PLD1: variants seen among roughly 807,000 people sequenced by gnomAD.
PLD1 encodes phospholipase D1.
PLD1 carries 112 observed loss-of-function variants against 137.1 expected under a neutral mutation model. The ratio of observed to expected loss-of-function variants is 0.82; its 90% CI spans 0.70 to 0.96. The LOEUF (loss-of-function observed/expected upper bound fraction) is 0.96, where lower values mean the gene tolerates loss of function less well. Ranked by LOEUF, PLD1 falls within the 40% of genes least tolerant of loss-of-function variation. The probability of loss-of-function intolerance (pLI) is 0.00; values close to 1 mark genes in which losing one functional copy is unlikely to be tolerated. For missense variants in PLD1, 1,321 were observed against 1,342.0 expected (o/e 0.98, Z 0.24); for synonymous variants, 431 against 454.7 (o/e 0.95, Z 0.66).
chr3:171,690,458 A>G (rs546759510), intron 13 of PLD1, among the ~76,000 whole-genome samples: 1 of 150,870 alleles, frequency 6.6e-6, no homozygotes, highest in African/African-American at 2.4e-5. Context: ...TGTTATTTTG[A>G]GATCTTTCTT....
At chr3:171,778,164 G>C (rs955957605) in intron 1 of PLD1, among the ~76,000 whole-genome samples, 6 of 152,188 alleles carry the variant, frequency 3.9e-5, no homozygotes, top group African/African-American at 1.4e-4. Context: ...TATCTTATTT[G>C]ACATTCACAT....
intron 5 of PLD1, among the ~76,000 whole-genome samples, chr3:171,734,520 C>T (rs1365206846): frequency 1.3e-5 from 2 of 152,156 alleles, no homozygotes; most frequent in Admixed American, 6.5e-5. Flanking sequence ...AACACGGAAA[C>T]TTATGTATGG....
chr3:171,768,771 A>G (rs1401243052), intron 1 of PLD1, among the ~76,000 whole-genome samples: 9 of 152,254 alleles, frequency 5.9e-5, no homozygotes, highest in Admixed American at 4.6e-4. Context: ...CTTCTGGGTC[A>G]CAGCGAGGTC....
chr3:171,776,068 A>C lies in PLD1; in HGVS notation c.-32+34331T>G, dbSNP rs553186819. ...AAAACAGTAACCCCTTCATTTGCGTAAACAAAGGGCTTTCACATGTATTAG... is the reference window on the plus strand; with the variant it reads ...AAAACAGTAACCCCTTCATTTGCGTCAACAAAGGGCTTTCACATGTATTAG... On this transcript the variant is annotated intron_variant, in intron 1 of 26. Coordinates refer to ENST00000351298, the MANE Select transcript of PLD1 (RefSeq NM_002662.5). Among the ~76,000 whole-genome samples the C allele has an allele frequency of 2.6e-4, 40 of 152,316 alleles. No individual in the cohort carries two copies. The South Asian group carries it at 8.1e-3, about 31-fold the overall frequency.
chr3:171,677,462 G>A (rs879395674), intron 17 of PLD1, 104 bp downstream of exon 17: 16 of 1,189,216 alleles, frequency 1.3e-5, no homozygotes, highest in East Asian at 5.0e-5. Context: ...AAAAATCAAC[G>A]GAAGCAAAAC....
intron 1 of PLD1, among the ~76,000 whole-genome samples, chr3:171,770,819 G>T (rs13089057): frequency 0.24 from 34,892 of 146,510 alleles, 4,473 homozygotes; most frequent in Middle Eastern, 0.35. Flanking sequence ...AGCCCAAGAG[G>T]TTGAGACTAC....
At chr3:171,667,597 G>A (rs1015986721) in intron 19 of PLD1, among the ~76,000 whole-genome samples, 1 of 152,210 alleles carries the variant, frequency 6.6e-6, no homozygotes, top group Non-Finnish European at 1.5e-5. Context: ...TGGGGCTGTG[G>A]CAACAGAAGG....
chr3:171,636,208 G>C (rs774266022), intron 23 of PLD1, among the ~76,000 whole-genome samples: 2 of 151,768 alleles, frequency 1.3e-5, no homozygotes, highest in Non-Finnish European at 2.9e-5. Context: ...TTGAAATCAC[G>C]TATGTGACAC....
intron 23 of PLD1, among the ~76,000 whole-genome samples, chr3:171,636,923 G>A (rs1735181158): frequency 6.6e-6 from 1 of 152,142 alleles, no homozygotes; most frequent in Non-Finnish European, 1.5e-5. Context: ...ACATGGCTGA[G>A]GAAGTTCCTG....
At chr3:171,711,316 G>A (rs900584183) in intron 9 of PLD1, among the ~76,000 whole-genome samples, 13 of 151,436 alleles carry the variant, frequency 8.6e-5, no homozygotes, top group South Asian at 2.1e-4. Context: ...GACTACAGGC[G>A]CGCACCATCA....
chr3:171,678,704 A>T (rs1165040699), intron 16 of PLD1, among the ~76,000 whole-genome samples: 3 of 152,082 alleles, frequency 2.0e-5, no homozygotes, highest in Admixed American at 1.3e-4. Flanking sequence ...TTTGCTTAAA[A>T]CCCTGGAAGG....
In PLD1 at chr3:171,797,037, C is replaced by T. The variant is rs545852016; in HGVS notation, c.-32+13362G>A. 4.6e-5 allele frequency among the ~76,000 whole-genome samples: 7 copies of T among 152,200 alleles called. No individual in the cohort carries two copies. The South Asian group carries it at 1.0e-3, about 23-fold the overall frequency. On this transcript the variant is annotated intron_variant, in intron 1 of 26. Transcript: ENST00000351298. ...CCAAGAACATGTTAGTTTAACTTTC[C>T]AGCTCTCTCATTCTTAATTCCACCT...
At chr3:171,667,806 C>T (rs1242612614) in intron 19 of PLD1, among the ~76,000 whole-genome samples, 2 of 152,206 alleles carry the variant, frequency 1.3e-5, no homozygotes, top group Non-Finnish European at 2.9e-5. Flanking sequence ...GGATGGAGTA[C>T]AATGGCGTGA....
intron 23 of PLD1, among the ~76,000 whole-genome samples, chr3:171,634,108 A>T (rs1156633914): frequency 1.3e-5 from 2 of 152,210 alleles, no homozygotes; most frequent in Non-Finnish European, 2.9e-5. Flanking sequence ...TATGTAATTA[A>T]TCTTTGCTCT....
At position 171,738,092 on chromosome 3, in the gene PLD1, A is replaced by G. The variant is rs1410411481; in HGVS notation, c.-31-10T>C. The G allele has an allele frequency of 6.6e-7, 1 of 1,519,696 alleles. No homozygotes were observed. Among genetic ancestry groups the G allele is most frequent in the East Asian group, 2.3e-5 (1 of 44,264 alleles). The allele number at this position is 1,519,696 out of a possible 1,614,324, so 94.1% of individuals were successfully genotyped here. On this transcript the variant is annotated splice_polypyrimidine_tract_variant and intron_variant, in intron 1 of 26. Coordinates refer to ENST00000351298, the MANE Select transcript of PLD1 (RefSeq NM_002662.5). The stretch of plus-strand genomic sequence containing the variant: ...AGTAAAAGCAAAGGGGCTAGGAAAG[A>G]AGAAAACGGTTACAAAGACTTAGCA...
intron 21 of PLD1, chr3:171,653,889 C>T (rs182736342): frequency 3.7e-5 from 7 of 187,018 alleles, no homozygotes; most frequent in East Asian, 1.8e-4. Flanking sequence ...GACAAACTGA[C>T]GTACTCAGAA....
chr3:171,705,176 T>C (rs7632491), intron 11 of PLD1, among the ~76,000 whole-genome samples: 49,594 of 152,010 alleles, frequency 0.33, 9,643 homozygotes, highest in African/African-American at 0.53. Flanking sequence ...ATAAATAAGA[T>C]ACTATTTGTG....
At chr3:171,671,805 A>T (rs1173001345) in intron 19 of PLD1, among the ~76,000 whole-genome samples, 1 of 152,118 alleles carries the variant, frequency 6.6e-6, no homozygotes, top group African/African-American at 2.4e-5. Flanking sequence ...ATCTTTGTGG[A>T]ATAGTTATCA....
chr3:171,760,689 C>T (rs1366108913), intron 1 of PLD1, among the ~76,000 whole-genome samples: 1 of 152,144 alleles, frequency 6.6e-6, no homozygotes, highest in Non-Finnish European at 1.5e-5. Context: ...ATGTTAATTA[C>T]CAAGGGAGCA....
Sources: allele counts gnomAD v4.1 joint callset (sites outside exome capture counted in the v4.1 genomes callset), GRCh38; gene constraint gnomAD v4.1.1; transcripts MANE v1.5; gene names NCBI Gene and HGNC (gene_info 2026-07-23, HGNC 2026-07-21).